Variants in KCNMB4 observed in about 807,000 individuals in gnomAD.
KCNMB4 encodes the protein calcium-activated potassium channel subunit beta-4.
A neutral mutation model predicts 20.7 loss-of-function variants in KCNMB4; 3 were observed. The ratio of observed to expected loss-of-function variants is 0.14; its 90% confidence interval spans 0.07 to 0.37. The LOEUF is 0.37. Ranked by LOEUF, KCNMB4 falls within the 10% of genes least tolerant of loss-of-function variation. KCNMB4 has a pLI of 1.00. For synonymous variants in KCNMB4, 110 were observed against 113.4 expected, an observed-to-expected ratio of 0.97 and a Z score of 0.19; for missense variants, 168 against 265.9, an observed-to-expected ratio of 0.63 and a Z score of 2.56.
At chr12:70,375,367 GCTCACAC>G (rs570505631) in intron 1 of KCNMB4, among the ~76,000 whole-genome samples, 1 of 152,060 alleles carries the variant, frequency 6.6e-6, no homozygotes, top group African/African-American at 2.4e-5. Context: ...GAGCGTGGTG[GCTCACAC>G]CTGTAATACC....
chr12:70,402,351 A>G (rs1868474772), intron 2 of KCNMB4, among the ~76,000 whole-genome samples: 1 of 152,102 alleles, frequency 6.6e-6, no homozygotes, highest in South Asian at 2.1e-4. Flanking sequence ...TTATACATCA[A>G]GAAATGCAAG....
At chr12:70,397,655 A>G (rs902906517) in intron 1 of KCNMB4, among the ~76,000 whole-genome samples, 3 of 152,236 alleles carry the variant, frequency 2.0e-5, no homozygotes, top group Non-Finnish European at 2.9e-5. Context: ...AAGCATGTCA[A>G]TGTAATTCTT....
At chr12:70,430,393 A>ATT in intron 2 of KCNMB4, 92 bp from the exon 3 acceptor site, 1 of 1,340,588 alleles carries the variant, frequency 7.5e-7, no homozygotes, top group Non-Finnish European at 1.1e-6. Context: ...AATAATGGTT[A>ATT]TGGAAAGCAA....
intron 2 of KCNMB4, among the ~76,000 whole-genome samples, chr12:70,413,042 A>G (rs1460349453): frequency 6.6e-6 from 1 of 152,194 alleles, no homozygotes; most frequent in Admixed American, 6.5e-5. Flanking sequence ...CTGTCTCCAT[A>G]TTAAGAGAGA....
intron 1 of KCNMB4, among the ~76,000 whole-genome samples, chr12:70,389,530 C>CA (rs984738672): frequency 6.6e-6 from 1 of 151,992 alleles, no homozygotes; most frequent in Non-Finnish European, 1.5e-5. Flanking sequence ...TCTGTCTCTA[C>CA]AAAAAATACA....
chr12:70,404,953 A>G (rs1404526193), intron 2 of KCNMB4, among the ~76,000 whole-genome samples: 3 of 152,216 alleles, frequency 2.0e-5, no homozygotes, highest in Admixed American at 6.5e-5. Flanking sequence ...GGAAATGTTG[A>G]CAGAATCTTA....
At chr12:70,418,115 A>G (rs911745620) in intron 2 of KCNMB4, among the ~76,000 whole-genome samples, 6 of 152,134 alleles carry the variant, frequency 3.9e-5, no homozygotes, top group African/African-American at 1.4e-4. Flanking sequence ...AAGAAGATAC[A>G]TTGGCATTTG....
At chr12:70,412,009 G>A (rs1187289384) in intron 2 of KCNMB4, among the ~76,000 whole-genome samples, 1 of 152,188 alleles carries the variant, frequency 6.6e-6, no homozygotes, top group East Asian at 1.9e-4. Context: ...CTAGACAAGG[G>A]ATGGTAGGAG....
intron 2 of KCNMB4, among the ~76,000 whole-genome samples, chr12:70,408,560 C>A (rs917830830): frequency 6.6e-6 from 1 of 151,634 alleles, no homozygotes; most frequent in East Asian, 2.0e-4. Context: ...CTGCAGCGGC[C>A]GAAGCAGCCC....
At chr12:70,427,978 T>C (rs919656623) in intron 2 of KCNMB4, among the ~76,000 whole-genome samples, 1 of 152,130 alleles carries the variant, frequency 6.6e-6, no homozygotes, top group African/African-American at 2.4e-5. Context: ...AAAATCCAAG[T>C]CCCTCACCCT....
intron 2 of KCNMB4, among the ~76,000 whole-genome samples, chr12:70,419,553 C>G (rs1189850348): frequency 6.6e-6 from 1 of 151,822 alleles, no homozygotes; most frequent in African/African-American, 2.4e-5. Flanking sequence ...TTTTAAAATT[C>G]AGAATTAAAA....
In KCNMB4 at chr12:70,425,224, C is replaced by CAGGA. The variant is rs531261310; in HGVS notation, c.465-5260_465-5257dup. 3.9e-4 allele frequency among the ~76,000 whole-genome samples: 60 copies of CAGGA among 152,164 alleles called. 2 individuals carry two copies. In the South Asian group the frequency reaches 0.011, roughly 28 times the overall value. ...GGCCGAGGTGGGCAGATCACAAGGT[C>CAGGA]AGGAGATCAAGACCATCCTGGCTAA... is the stretch of plus-strand genomic sequence containing the variant. On this transcript the variant is annotated intron_variant, in intron 2 of 2. Transcript: ENST00000258111.
chr12:70,422,064 C>G (rs1869081401), intron 2 of KCNMB4, among the ~76,000 whole-genome samples: 1 of 151,958 alleles, frequency 6.6e-6, no homozygotes, highest in Non-Finnish European at 1.5e-5. Flanking sequence ...AATAATTCAT[C>G]TCTCCCATAC....
rs1021147459 is a variant in KCNMB4, at chr12:70,366,811, T to C, written c.77T>C (p.Ile26Thr). The part of the protein sequence containing the change: ...KSIRLGLFLI[I>T]SGVVSLFIFG... ...ATCCGGCTCGGCTTGTTTCTCATCATCTCCGGCGTCGTGTCGCTCTTCATC... is the reference window on the plus strand; with the variant it reads ...ATCCGGCTCGGCTTGTTTCTCATCACCTCCGGCGTCGTGTCGCTCTTCATC... Residue 26 changes from isoleucine (I) to threonine (T), a missense_variant, in exon 1 of 3, where the codon ATC (isoleucine) becomes ACC (threonine). Coordinates refer to ENST00000258111, the MANE Select transcript of KCNMB4 (RefSeq NM_014505.6). 1.9e-6 allele frequency: 3 copies of C among 1,612,566 alleles called. No homozygotes were observed. The highest frequency in any genetic ancestry group is 2.5e-6 in the Non-Finnish European group (3 of 1,179,906).
chr12:70,376,432 T>A lies in KCNMB4; in HGVS notation c.336+9362T>A, dbSNP rs141427580. 2.4e-3 allele frequency among the ~76,000 whole-genome samples: 361 copies of A among 152,220 alleles called. 2 individuals are homozygous for A. Among genetic ancestry groups the A allele is most frequent in the African/African-American group, 8.5e-3 (354 of 41,546 alleles). On this transcript the variant is annotated intron_variant, in intron 1 of 2. Coordinates refer to ENST00000258111, the MANE Select transcript of KCNMB4 (RefSeq NM_014505.6). ...TTTTCAGAAATCACATGATCTTATA[T>A]ATAGTAACTCCTAAAGAACCTCCCC...
intron 2 of KCNMB4, among the ~76,000 whole-genome samples, chr12:70,403,180 C>CTTTTA (rs3049185): frequency 0.037 from 5,469 of 149,608 alleles, 135 homozygotes; most frequent in South Asian, 0.076. Flanking sequence ...TAGTCATCGT[C>CTTTTA]TTTTATTTTA....
chr12:70,416,896 G>C (rs188666939), intron 2 of KCNMB4, among the ~76,000 whole-genome samples: 1 of 151,970 alleles, frequency 6.6e-6, no homozygotes, highest in Non-Finnish European at 1.5e-5. Flanking sequence ...AAAAAAACCG[G>C]TGTGTAATAC....
chr12:70,367,837 A>G (rs1425416296), intron 1 of KCNMB4, among the ~76,000 whole-genome samples: 3 of 151,810 alleles, frequency 2.0e-5, no homozygotes, highest in Non-Finnish European at 4.4e-5. Context: ...GACAACTTCT[A>G]TTGGTCTCGA....
chr12:70,425,741 C>T (rs907921695), intron 2 of KCNMB4, among the ~76,000 whole-genome samples: 13 of 152,170 alleles, frequency 8.5e-5, no homozygotes, highest in Non-Finnish European at 1.5e-5. Context: ...ATGGGACACC[C>T]TCACCCAGAA....
Sources: gnomAD v4.1 joint callset for allele counts (sites outside exome capture counted in the v4.1 genomes callset) on GRCh38, gnomAD v4.1.1 for gene constraint, MANE v1.5 for transcripts, NCBI Gene and HGNC (gene_info 2026-07-23, HGNC 2026-07-21) for gene names.